The following SHANK2 variants were observed in gnomAD, a reference collection of about 807,000 sequenced individuals.
The protein encoded by SHANK2 is SH3 and multiple ankyrin repeat domains 2.
Under a neutral mutation model 133.7 loss-of-function variants are expected in SHANK2, and 43 were observed. That is an observed-to-expected ratio of 0.32 (90% CI 0.25 to 0.41). SHANK2 has a LOEUF of 0.41. SHANK2 is among the 10% of genes least tolerant of loss of function. SHANK2 has a pLI of 1.00. For missense variants in SHANK2, 1,994 were observed against 2,235.8 expected (o/e 0.89, Z 2.18); for synonymous variants, 1,017 against 952.8 (o/e 1.07, Z -1.24).
At chr11:71,061,694 G>A (rs1033882988) in intron 9 of SHANK2, among the ~76,000 whole-genome samples, 71 of 152,266 alleles carry the variant, frequency 4.7e-4, no homozygotes, top group African/African-American at 1.6e-3. Flanking sequence ...CCAGGCACAT[G>A]GGCCCATCGG....
At chr11:70,892,117 CCGTCACA>C (rs367635113) in intron 11 of SHANK2, among the ~76,000 whole-genome samples, 12 of 152,312 alleles carry the variant, frequency 7.9e-5, no homozygotes, top group South Asian at 2.1e-4. Flanking sequence ...CCAGGCAGCA[CCGTCACA>C]CCGTCATGAG....
At chr11:71,241,932 C>T (rs576115540) in intron 1 of SHANK2, among the ~76,000 whole-genome samples, 2 of 152,322 alleles carry the variant, frequency 1.3e-5, no homozygotes, top group African/African-American at 4.8e-5. Context: ...AAGATACTTG[C>T]ACAACCATGT....
At chr11:70,764,249 C>G (rs12806815) in intron 14 of SHANK2, among the ~76,000 whole-genome samples, 1 of 149,412 alleles carries the variant, frequency 6.7e-6, no homozygotes, top group Non-Finnish European at 1.5e-5. Context: ...ACCCATGCAT[C>G]CATCCATCCA....
At chr11:70,806,463 C>A (rs1555051889) in intron 13 of SHANK2, among the ~76,000 whole-genome samples, 3 of 152,246 alleles carry the variant, frequency 2.0e-5, no homozygotes, top group Non-Finnish European at 4.4e-5. Context: ...TCCCCAATAC[C>A]CCAGGAACAA....
chr11:71,141,213 G>A (rs1475335221), intron 3 of SHANK2, among the ~76,000 whole-genome samples: 1 of 152,166 alleles, frequency 6.6e-6, no homozygotes, highest in Non-Finnish European at 1.5e-5. Flanking sequence ...CAACAAAGAT[G>A]CTCACAGTGC....
chr11:70,583,389 C>T (rs377140674), intron 17 of SHANK2, among the ~76,000 whole-genome samples: 2 of 152,324 alleles, frequency 1.3e-5, no homozygotes, highest in East Asian at 1.9e-4. Context: ...GTGGCAGCAG[C>T]ATCCACAGTG....
intron 3 of SHANK2, among the ~76,000 whole-genome samples, chr11:71,141,803 CA>C (rs1456594227): frequency 6.6e-6 from 1 of 152,032 alleles, no homozygotes; most frequent in Non-Finnish European, 1.5e-5. Context: ...ATGATGGAGC[CA>C]AACGGAATTC....
At chr11:71,071,847 T>G (rs1951147400) in intron 9 of SHANK2, among the ~76,000 whole-genome samples, 1 of 152,062 alleles carries the variant, frequency 6.6e-6, no homozygotes, top group Non-Finnish European at 1.5e-5. Context: ...GAGCACTGCT[T>G]TGGGATGGGA....
At chr11:71,066,043 G>GGGGT (rs1951053630) in intron 9 of SHANK2, among the ~76,000 whole-genome samples, 7 of 5,404 alleles carry the variant, frequency 1.3e-3, no homozygotes, top group Non-Finnish European at 2.7e-3. Flanking sequence ...AGTTGGGGGA[G>GGGGT]GGTACAGAAC....
chr11:71,175,545 G>GGAGAGGGAGAGAGAGAGA lies in SHANK2; in HGVS notation c.-12-28225_-12-28208dup, dbSNP rs1212329760. Among the ~76,000 whole-genome samples, 1 of 79,306 alleles carries GGAGAGGGAGAGAGAGAGA rather than the reference G, an allele frequency of 1.3e-5. No individual in the cohort carries two copies. Among genetic ancestry groups the GGAGAGGGAGAGAGAGAGA allele is most frequent in the African/African-American group, 4.4e-5 (1 of 22,508 alleles). The allele number at this position is 79,306 out of a possible 152,430, so 52.0% of individuals were successfully genotyped here. On this transcript the variant is annotated intron_variant, in intron 2 of 25. Transcript: ENST00000601538. This position sits in a 1 kb window ranked among gnomAD's most constrained non-coding sequence, Gnocchi z 4.2. ...GACAGACAGACAGACAGAGGGAGAG[G>GGAGAGGGAGAGAGAGAGA]GAGAGGGAGAGAGAGAGAGAGAGAG...
At chr11:70,723,264 T>G (rs61886446) in intron 14 of SHANK2, among the ~76,000 whole-genome samples, 14,717 of 151,756 alleles carry the variant, frequency 0.097, 885 homozygotes, top group South Asian at 0.29. Context: ...TATACGATTA[T>G]ATTAGATAGT....
intron 17 of SHANK2, among the ~76,000 whole-genome samples, chr11:70,543,473 T>G (rs1431823123): frequency 2.6e-5 from 4 of 152,188 alleles, no homozygotes; most frequent in Non-Finnish European, 5.9e-5. Flanking sequence ...GAATCAATCA[T>G]GTCCGTGTAA....
chr11:70,600,736 G>A (rs2060484733), intron 17 of SHANK2, among the ~76,000 whole-genome samples: 1 of 152,030 alleles, frequency 6.6e-6, no homozygotes, highest in Non-Finnish European at 1.5e-5. Flanking sequence ...GGTGTCCTCA[G>A]GGGAAAAAGT....
intron 17 of SHANK2, among the ~76,000 whole-genome samples, chr11:70,532,073 A>C (rs2059480772): frequency 2.6e-5 from 4 of 152,204 alleles, no homozygotes; most frequent in Admixed American, 2.6e-4. Context: ...GCACCTGGGC[A>C]GAGAGGCCCA....
chr11:70,552,635 C>T (rs1009645884), intron 17 of SHANK2, among the ~76,000 whole-genome samples: 13 of 152,186 alleles, frequency 8.5e-5, no homozygotes, highest in African/African-American at 3.1e-4. Flanking sequence ...CCATGGGCTG[C>T]CTCTGGGGCT....
chr11:70,551,301 C>A (rs2059764587), intron 17 of SHANK2, among the ~76,000 whole-genome samples: 1 of 152,086 alleles, frequency 6.6e-6, no homozygotes, highest in Admixed American at 6.5e-5. Context: ...TGCTCTGTGC[C>A]CTGCCCGCTG....
intron 17 of SHANK2, among the ~76,000 whole-genome samples, chr11:70,640,600 G>A (rs369876584): frequency 3.3e-5 from 5 of 152,376 alleles, no homozygotes; most frequent in African/African-American, 1.2e-4. Context: ...ACGAAGCTGA[G>A]GCCCGAGCCC....
intron 11 of SHANK2, among the ~76,000 whole-genome samples, chr11:70,873,730 C>T (rs1409578087): frequency 4.6e-5 from 7 of 150,986 alleles, no homozygotes; most frequent in Non-Finnish European, 1.5e-5. Flanking sequence ...CCATTGCTTC[C>T]TCCATTTACC....
chr11:70,635,852 C>G (rs768815427), intron 17 of SHANK2, among the ~76,000 whole-genome samples: 4 of 152,228 alleles, frequency 2.6e-5, no homozygotes, highest in Admixed American at 1.3e-4. Context: ...CCCTCGGTCA[C>G]GCTCATCTGC....
Sources: gnomAD v4.1 joint callset for allele counts (sites outside exome capture counted in the v4.1 genomes callset) on GRCh38, gnomAD v4.1.1 for gene constraint, Gnocchi (gnomAD v3.1) non-coding constraint, MANE v1.5 for transcripts, NCBI Gene and HGNC (gene_info 2026-07-23, HGNC 2026-07-21) for gene names.